Variants in EHBP1 observed in about 807,000 individuals in gnomAD.
The protein encoded by EHBP1 is EH domain binding protein 1.
EHBP1 carries 55 observed loss-of-function variants against 144.0 expected under a neutral mutation model. The ratio of observed to expected loss-of-function variants is 0.38; its 90% CI spans 0.31 to 0.48. The LOEUF (loss-of-function observed/expected upper bound fraction) is 0.48. Ranked by LOEUF, EHBP1 falls within the 20% of genes least tolerant of loss-of-function variation. EHBP1 has a pLI of 0.98. For missense variants in EHBP1, 1,200 were observed against 1,364.2 expected, an observed-to-expected ratio of 0.88 and a Z score of 1.90; for synonymous variants, 469 against 472.7, an observed-to-expected ratio of 0.99 and a Z score of 0.10.
At position 62,855,014 on chromosome 2, in the gene EHBP1, G is replaced by A. The variant is rs2048936622; in HGVS notation, c.635-4155G>A. Among the ~76,000 whole-genome samples, 4 of 152,224 alleles carry A rather than the reference G, an allele frequency of 2.6e-5. No individual in the cohort carries two copies. The South Asian group carries it at 8.3e-4, about 32-fold the overall frequency. ...GGGTGCAGCTTCAGCTGCCCAAGTT[G>A]TGGCTGTGGACCTGGGCCTCCCACT... On this transcript the variant is annotated intron_variant, in intron 7 of 22. Transcript: ENST00000431489.
intron 7 of EHBP1, chr2:62,858,566 C>A: frequency 8.8e-7 from 1 of 1,130,198 alleles, no homozygotes; most frequent in South Asian, 1.3e-5. Flanking sequence ...TTACTGTGAC[C>A]TGCTACCTCT....
chr2:62,681,141 C>T (rs1311430387), intron 1 of EHBP1, among the ~76,000 whole-genome samples: 6 of 150,824 alleles, frequency 4.0e-5, no homozygotes, highest in Middle Eastern at 6.9e-3. Flanking sequence ...GGTGAAACCC[C>T]GTCTCTACTA....
chr2:62,907,053 C>G (rs577448388), intron 10 of EHBP1, among the ~76,000 whole-genome samples: 1 of 152,312 alleles, frequency 6.6e-6, no homozygotes, highest in Non-Finnish European at 1.5e-5. Flanking sequence ...TGAAGGACAT[C>G]TGATTGTTTC....
chr2:62,682,971 C>T (rs2033582940), intron 1 of EHBP1, among the ~76,000 whole-genome samples: 1 of 151,978 alleles, frequency 6.6e-6, no homozygotes, highest in Non-Finnish European at 1.5e-5. Context: ...AGGTAGAAGA[C>T]AGAAAGAAAG....
intron 10 of EHBP1, among the ~76,000 whole-genome samples, chr2:62,924,869 G>T (rs1368989483): frequency 6.6e-6 from 1 of 152,092 alleles, no homozygotes; most frequent in African/African-American, 2.4e-5. Context: ...GCATAACATT[G>T]ACATCAAAAC....
chr2:62,839,827 G>T (rs374116666), intron 7 of EHBP1, among the ~76,000 whole-genome samples: 34 of 152,004 alleles, frequency 2.2e-4, no homozygotes, highest in Non-Finnish European at 4.4e-4. Context: ...CACTGCTCAA[G>T]GAAATAAAAG....
intron 19 of EHBP1, among the ~76,000 whole-genome samples, chr2:63,025,814 G>T (rs2060949855): frequency 6.6e-6 from 1 of 152,114 alleles, no homozygotes; most frequent in Non-Finnish European, 1.5e-5. Context: ...AGAGATTCTG[G>T]GAGTCACACA....
intron 14 of EHBP1, chr2:62,955,896 C>T: frequency 2.8e-6 from 1 of 362,080 alleles, no homozygotes; most frequent in East Asian, 4.3e-5. Flanking sequence ...ATAATTTCCA[C>T]ATATACATGA....
chr2:62,990,405 T>C (rs188264957), intron 15 of EHBP1, among the ~76,000 whole-genome samples: 31 of 152,286 alleles, frequency 2.0e-4, no homozygotes, highest in Middle Eastern at 3.4e-3. Context: ...TGTTTTATTA[T>C]GTATAACATA....
rs1574121496 is a variant in EHBP1, at chr2:62,934,110, C to T, written c.1186-8608C>T. 2.6e-5 allele frequency among the ~76,000 whole-genome samples: 4 copies of T among 152,260 alleles called. No individual in the cohort carries two copies. The South Asian group carries it at 8.3e-4, about 32-fold the overall frequency. ...GATATAAACCTAGGAATTGCTGGGT[C>T]ATAGGATATGCACATTTTCAATTTT... On this transcript the variant is annotated intron_variant, in intron 10 of 22. Transcript: ENST00000431489.
intron 2 of EHBP1, among the ~76,000 whole-genome samples, chr2:62,745,292 A>G (rs2039046417): frequency 6.6e-6 from 1 of 151,886 alleles, no homozygotes; most frequent in Admixed American, 6.6e-5. Flanking sequence ...AATACTTACA[A>G]TGCAAGGTGT....
intron 5 of EHBP1, among the ~76,000 whole-genome samples, chr2:62,792,100 T>G (rs1313363366): frequency 6.6e-6 from 1 of 152,082 alleles, no homozygotes; most frequent in Non-Finnish European, 1.5e-5. Flanking sequence ...TGGATTAATA[T>G]TGGTTTACAA....
chr2:62,722,270 T>C (rs549136224), intron 2 of EHBP1, among the ~76,000 whole-genome samples: 9 of 152,198 alleles, frequency 5.9e-5, no homozygotes, highest in African/African-American at 2.2e-4. Context: ...TAGCTGGAAC[T>C]ATAGGTGCAT....
At chr2:62,789,783 C>T (rs1478049922) in intron 5 of EHBP1, among the ~76,000 whole-genome samples, 2 of 152,294 alleles carry the variant, frequency 1.3e-5, no homozygotes, top group East Asian at 1.9e-4. Context: ...TTTTATCCAA[C>T]CACCCACACT....
intron 2 of EHBP1, among the ~76,000 whole-genome samples, chr2:62,728,635 A>T (rs919167311): frequency 2.6e-5 from 4 of 151,944 alleles, no homozygotes; most frequent in Admixed American, 2.6e-4. Flanking sequence ...TATTTTGGAT[A>T]TAAGACACTT....
At chr2:62,913,974 A>G (rs2054415286) in intron 10 of EHBP1, among the ~76,000 whole-genome samples, 1 of 152,152 alleles carries the variant, frequency 6.6e-6, no homozygotes, top group East Asian at 1.9e-4. Flanking sequence ...TTTTTGTTAC[A>G]TGTTTTTATC....
chr2:62,870,715 CAAA>C (rs57276181), intron 9 of EHBP1, among the ~76,000 whole-genome samples: 1,586 of 90,286 alleles, frequency 0.018, 28 homozygotes, highest in African/African-American at 0.06. Flanking sequence ...GACTGCATCT[CAAA>C]AAAAAAAAAA....
chr2:62,942,994 T>C (rs2056850187), intron 11 of EHBP1, 98 bp downstream of exon 11: 1 of 890,702 alleles, frequency 1.1e-6, no homozygotes, highest in Non-Finnish European at 1.6e-6. Flanking sequence ...AAATAATTTA[T>C]ATTTGTTTTA....
intron 5 of EHBP1, among the ~76,000 whole-genome samples, chr2:62,775,584 A>G (rs1293443657): frequency 6.6e-6 from 1 of 152,246 alleles, no homozygotes; most frequent in Non-Finnish European, 1.5e-5. Flanking sequence ...TAGCATTAGT[A>G]ACAAAGAGTG....
Sources: gnomAD v4.1 joint callset for allele counts (sites outside exome capture counted in the v4.1 genomes callset) on GRCh38, gnomAD v4.1.1 for gene constraint, MANE v1.5 for transcripts, NCBI Gene and HGNC (gene_info 2026-07-23, HGNC 2026-07-21) for gene names.